TLR5: variants seen among roughly 807,000 people sequenced by gnomAD.
TLR5 encodes the protein toll like receptor 5.
For synonymous variants in TLR5, 373 were observed against 384.4 expected (o/e 0.97, Z 0.35); for missense variants, 944 against 999.8 (o/e 0.94, Z 0.75).
intron 5 of TLR5, among the ~76,000 whole-genome samples, chr1:223,124,826 TCTTCTGACCTCAGGTGATC>T (rs1249418534): frequency 7.9e-5 from 12 of 152,082 alleles, no homozygotes; most frequent in Non-Finnish European, 1.5e-4. Flanking sequence ...CTGGTCTCGA[TCTTCTGACCTCAGGTGATC>T]CACCTGCCTC....
chr1:223,122,529 T>C (rs566579977), intron 5 of TLR5, among the ~76,000 whole-genome samples: 1 of 152,220 alleles, frequency 6.6e-6, no homozygotes, highest in South Asian at 2.1e-4. Context: ...GGAAAATAAA[T>C]GGTAATGGAA....
rs55773023 is a variant in TLR5 at position 223,110,749 on chromosome 1, G to T, written c.2283C>A (p.His761Gln). The change falls in exon 6 of 6, where the codon CAC becomes CAA. Residue 761 changes from histidine to glutamine, a missense_variant. Physicochemically the swap from His to Gln is conservative, Grantham distance 24. Transcript: ENST00000642603. ...CAAGGCACCAGCCATCTCTAAGGAA[G>T]TGTCTGCTCACAAGACAAACGATCT... The part of the protein sequence containing the change: ...SRKIVCLVSR[H>Q]FLRDGWCLEA... The T allele has an allele frequency of 5.6e-4, 897 of 1,614,226 alleles. 12 individuals are homozygous for T. In the South Asian group the frequency reaches 9.4e-3, roughly 17 times the overall value.
chr1:223,113,048 A>G lies in TLR5; in HGVS notation c.-4-13T>C. 6.2e-7 allele frequency: 1 copy of G among 1,613,928 alleles called. No homozygotes were observed. On this transcript the variant is annotated splice_polypyrimidine_tract_variant and intron_variant, in intron 5 of 5. Transcript: ENST00000642603. ...GTCTCCCATGATCCTATGGAGAAGA[A>G]GGGAGAATGAAAACACAGGCATTTA...
chr1:223,141,847 A>AGG (rs1558137299), intron 1 of TLR5, 84 bp from the exon 2 acceptor site: 1 of 147,060 alleles, frequency 6.8e-6, no homozygotes, highest in East Asian at 2.0e-4. Context: ...AGAGAGAGAG[A>AGG]GAGAGAGAGA....
At position 223,111,704 on chromosome 1, in the gene TLR5, A is replaced by T; in HGVS notation, c.1328T>A (p.Phe443Tyr). ...NRLENLDILY[F>Y]LLRVPHLQIL... ...CTGGAGATGAGGTACCCGTAGGAGA[A>T]AGTAGAGAATATCTAGATTTTCTAG... The change falls in exon 6 of 6, where the codon TTT becomes TAT. Residue 443 changes from phenylalanine to tyrosine, a missense_variant. Physicochemically the swap from Phe to Tyr is conservative, Grantham distance 22. Transcript: ENST00000642603. The T allele has an allele frequency of 6.2e-7, 1 of 1,614,190 alleles. No individual in the cohort carries two copies. The highest frequency in any genetic ancestry group is 8.5e-7 in the Non-Finnish European group (1 of 1,180,034).
At chr1:223,135,474 A>G (rs1343952749) in intron 3 of TLR5, among the ~76,000 whole-genome samples, 1 of 152,138 alleles carries the variant, frequency 6.6e-6, no homozygotes, top group Non-Finnish European at 1.5e-5. Flanking sequence ...GATACATGAG[A>G]CCATGGCAAA....
At chr1:223,133,865 A>G (rs1408674398) in intron 4 of TLR5, among the ~76,000 whole-genome samples, 1 of 152,122 alleles carries the variant, frequency 6.6e-6, no homozygotes, top group African/African-American at 2.4e-5. Context: ...AGGGGCAGGG[A>G]CCGAGGGGGA....
chr1:223,131,905 C>G lies in TLR5; in HGVS notation c.-5+570G>C, dbSNP rs1488668498. The stretch of plus-strand genomic sequence containing the variant: ...CTATATGCACTCTTTATCTCCGTCC[C>G]CTGGTATTCTGGGTACATTTCCATC... On this transcript the variant is annotated intron_variant, in intron 5 of 5. Transcript: ENST00000642603. The surrounding 1 kb of genome is among the most constrained non-coding windows in gnomAD (Gnocchi z 4.2). 6.6e-6 allele frequency among the ~76,000 whole-genome samples: 1 copy of G among 151,898 alleles called. No homozygotes were observed. Among genetic ancestry groups the G allele is most frequent in the African/African-American group, 2.4e-5 (1 of 41,324 alleles).
intron 5 of TLR5, among the ~76,000 whole-genome samples, chr1:223,119,788 C>T (rs143341752): frequency 0.015 from 2,322 of 150,932 alleles, 23 homozygotes; most frequent in Non-Finnish European, 0.021. Flanking sequence ...GGTGGAACCC[C>T]GTCTCTACTA....
chr1:223,114,944 C>T (rs932311772), intron 5 of TLR5, among the ~76,000 whole-genome samples: 8 of 152,206 alleles, frequency 5.3e-5, no homozygotes, highest in African/African-American at 1.9e-4. Flanking sequence ...CACTGCCCTA[C>T]TGTAAGCCGC....
chr1:223,126,223 C>T (rs190309324), intron 5 of TLR5, among the ~76,000 whole-genome samples: 87 of 152,320 alleles, frequency 5.7e-4, no homozygotes, highest in Non-Finnish European at 4.0e-4. Flanking sequence ...ACTTTGAAGA[C>T]ATTATGCTGA....
At chr1:223,140,109 TCAAA>T (rs1657775104) in intron 2 of TLR5, among the ~76,000 whole-genome samples, 1 of 152,106 alleles carries the variant, frequency 6.6e-6, no homozygotes, top group Non-Finnish European at 1.5e-5. Context: ...CCAACTCTGC[TCAAA>T]CACTCGGGTA....
In TLR5 at chr1:223,124,169, C is replaced by T. The variant is rs148836721; in HGVS notation, c.-5+8306G>A. ...CCTATAAAGAAAGGATTGGGCCAGG[C>T]GCTGTGGCTCACGCCTGTAATCCCA... On this transcript the variant is annotated intron_variant, in intron 5 of 5. Transcript: ENST00000642603. Among the ~76,000 whole-genome samples the T allele has an allele frequency of 2.0e-3, 304 of 152,234 alleles. 1 individual carries two copies. The highest frequency in any genetic ancestry group is 6.7e-3 in the African/African-American group (279 of 41,538).
intron 5 of TLR5, among the ~76,000 whole-genome samples, chr1:223,116,901 C>T (rs1656683802): frequency 6.6e-6 from 1 of 152,224 alleles, no homozygotes; most frequent in African/African-American, 2.4e-5. Context: ...CTGGCTTTGC[C>T]TAGTGGATCC....
At chr1:223,113,112 G>T in intron 5 of TLR5, 77 bp from the exon 6 acceptor site, 2 of 1,416,428 alleles carry the variant, frequency 1.4e-6, no homozygotes, top group Admixed American at 1.8e-5. Flanking sequence ...GATCTTGGGG[G>T]TATTCTCTAT....
intron 5 of TLR5, among the ~76,000 whole-genome samples, chr1:223,125,350 T>C (rs978881159): frequency 2.6e-5 from 4 of 152,212 alleles, no homozygotes; most frequent in Non-Finnish European, 4.4e-5. Flanking sequence ...AGGCTGAGTA[T>C]GGAGAACCCG....
chr1:223,114,978 A>G (rs1348264962), intron 5 of TLR5, among the ~76,000 whole-genome samples: 1 of 152,128 alleles, frequency 6.6e-6, no homozygotes, highest in Admixed American at 6.5e-5. Flanking sequence ...CATGGGCCAG[A>G]CTGGAGACTC....
At chr1:223,140,726 C>T (rs551939164) in intron 2 of TLR5, among the ~76,000 whole-genome samples, 1 of 152,298 alleles carries the variant, frequency 6.6e-6, no homozygotes, top group East Asian at 1.9e-4. Flanking sequence ...CTTTCCTAGG[C>T]CTGGCCAAGC....
At chr1:223,140,274 T>C (rs5744118) in intron 2 of TLR5, among the ~76,000 whole-genome samples, 4,929 of 152,186 alleles carry the variant, frequency 0.032, 123 homozygotes, top group Non-Finnish European at 0.049. Flanking sequence ...AGGCTGGGTG[T>C]GGTGGCTCAC....
Sources: gnomAD v4.1 joint callset for allele counts (sites outside exome capture counted in the v4.1 genomes callset) on GRCh38, gnomAD v4.1.1 for gene constraint, Gnocchi (gnomAD v3.1) non-coding constraint, MANE v1.5 for transcripts, NCBI Gene and HGNC (gene_info 2026-07-23, HGNC 2026-07-21) for gene names.